The following SETBP1 variants were observed in gnomAD, a reference collection of about 807,000 sequenced individuals.
The protein encoded by SETBP1 is SET-binding protein.
Under a neutral mutation model 101.0 loss-of-function variants are expected in SETBP1, and 9 were observed. The observed-to-expected ratio is 0.09, with a 90% CI of 0.05 to 0.16. SETBP1 has a LOEUF of 0.16. Ranked by LOEUF, SETBP1 falls within the 10% of genes least tolerant of loss-of-function variation. SETBP1 has a pLI of 1.00. For synonymous variants in SETBP1, 818 were observed against 788.5 expected (o/e 1.04, Z -0.63); for missense variants, 1,858 against 2,033.8 (o/e 0.91, Z 1.66).
At chr18:45,024,419 A>G (rs535392528) in intron 4 of SETBP1, among the ~76,000 whole-genome samples, 8 of 152,286 alleles carry the variant, frequency 5.3e-5, no homozygotes, top group East Asian at 1.9e-4. Flanking sequence ...CCTCCATAGC[A>G]GTCTGTGAAT....
intron 2 of SETBP1, among the ~76,000 whole-genome samples, chr18:44,859,073 T>C (rs1351150843): frequency 2.8e-5 from 4 of 142,848 alleles, no homozygotes; most frequent in Non-Finnish European, 6.1e-5. Flanking sequence ...GAAGGAAGGA[T>C]TGGGGGAAGG....
chr18:44,850,640 G>A (rs2072835404), intron 2 of SETBP1, among the ~76,000 whole-genome samples: 1 of 152,062 alleles, frequency 6.6e-6, no homozygotes, highest in African/African-American at 2.4e-5. Flanking sequence ...CAAAGTGCTG[G>A]AATTATAGGT....
At position 45,028,399 on chromosome 18, in the gene SETBP1, C is replaced by T. The variant is rs548272144; in HGVS notation, c.4001-10086C>T. On this transcript the variant is annotated intron_variant, in intron 4 of 5. Coordinates refer to ENST00000649279, the MANE Select transcript of SETBP1 (RefSeq NM_015559.3). ...TGTATATGTGCCACATTTTCTTAATCCAGTCTATCATTGTTGGACATTTGG... is the reference window on the plus strand; with the variant it reads ...TGTATATGTGCCACATTTTCTTAATTCAGTCTATCATTGTTGGACATTTGG... 3.4e-3 allele frequency among the ~76,000 whole-genome samples: 518 copies of T among 152,036 alleles called. 4 individuals are homozygous for T. Among genetic ancestry groups the T allele is most frequent in the African/African-American group, 0.012 (499 of 41,424 alleles).
intron 2 of SETBP1, among the ~76,000 whole-genome samples, chr18:44,769,743 G>A (rs1177052563): frequency 6.6e-6 from 1 of 152,212 alleles, no homozygotes; most frequent in Non-Finnish European, 1.5e-5. Flanking sequence ...CTATATAGAA[G>A]TTCATGAAGT....
chr18:44,913,232 C>T (rs982721704), intron 3 of SETBP1, among the ~76,000 whole-genome samples: 1 of 152,160 alleles, frequency 6.6e-6, no homozygotes, highest in African/African-American at 2.4e-5. Context: ...GAACAAGTCT[C>T]GGGCAAGACA....
chr18:45,019,852 G>A (rs544777679), intron 4 of SETBP1, among the ~76,000 whole-genome samples: 12 of 152,034 alleles, frequency 7.9e-5, no homozygotes, highest in East Asian at 1.9e-4. Context: ...TCTCTCTGCC[G>A]GTTTTTGGAG....
At chr18:44,915,201 T>G (rs2070398810) in intron 3 of SETBP1, among the ~76,000 whole-genome samples, 1 of 152,204 alleles carries the variant, frequency 6.6e-6, no homozygotes, top group Admixed American at 6.5e-5. Context: ...GCATTTCCCC[T>G]CACTTCATTA....
intron 2 of SETBP1, among the ~76,000 whole-genome samples, chr18:44,809,507 G>C (rs2071814495): frequency 6.6e-6 from 1 of 152,140 alleles, no homozygotes; most frequent in Non-Finnish European, 1.5e-5. Flanking sequence ...GAACTGTGAG[G>C]GGAAGGGATA....
At chr18:44,819,785 T>A (rs1043172182) in intron 2 of SETBP1, among the ~76,000 whole-genome samples, 2 of 152,142 alleles carry the variant, frequency 1.3e-5, no homozygotes, top group African/African-American at 4.8e-5. Flanking sequence ...CAGGCAACAA[T>A]TGGACCCTAA....
intron 2 of SETBP1, among the ~76,000 whole-genome samples, chr18:44,780,404 G>A (rs1432752006): frequency 6.6e-6 from 1 of 152,082 alleles, no homozygotes; most frequent in Non-Finnish European, 1.5e-5. Context: ...GATTTTAATG[G>A]ACCTTAGCCA....
intron 2 of SETBP1, among the ~76,000 whole-genome samples, chr18:44,784,242 G>GGATGGA (rs2071193116): frequency 1.3e-5 from 2 of 152,180 alleles, no homozygotes; most frequent in Admixed American, 1.3e-4. Context: ...TTTGTGGACT[G>GGATGGA]CTTTACATTA....
intron 3 of SETBP1, among the ~76,000 whole-genome samples, chr18:44,911,596 C>T (rs2070310594): frequency 6.6e-6 from 1 of 152,218 alleles, no homozygotes; most frequent in African/African-American, 2.4e-5. Context: ...GATGGCCACC[C>T]TCTGGGTGTC....
chr18:44,734,497 C>T (rs1399124042), intron 2 of SETBP1, among the ~76,000 whole-genome samples: 1 of 152,212 alleles, frequency 6.6e-6, no homozygotes, highest in African/African-American at 2.4e-5. Flanking sequence ...CTTCCCATTT[C>T]ACCTGAAATG....
intron 4 of SETBP1, among the ~76,000 whole-genome samples, chr18:44,973,941 C>T (rs1437209360): frequency 1.3e-5 from 2 of 152,130 alleles, no homozygotes; most frequent in Non-Finnish European, 2.9e-5. Context: ...CAGGGCTTGT[C>T]AGACTGTAGT....
intron 2 of SETBP1, among the ~76,000 whole-genome samples, chr18:44,785,551 C>A (rs1038744335): frequency 7.2e-5 from 11 of 152,122 alleles, no homozygotes; most frequent in Non-Finnish European, 1.6e-4. Context: ...TCTCTGGATA[C>A]AAATGTCTGA....
intron 2 of SETBP1, among the ~76,000 whole-genome samples, chr18:44,782,541 T>A (rs1022368035): frequency 2.6e-5 from 4 of 152,170 alleles, no homozygotes; most frequent in African/African-American, 9.7e-5. Context: ...GTTTCCTGGC[T>A]GTATGGAAAT....
intron 3 of SETBP1, among the ~76,000 whole-genome samples, chr18:44,886,740 G>T (rs1308687724): frequency 7.0e-6 from 1 of 143,604 alleles, no homozygotes; most frequent in Non-Finnish European, 1.5e-5. Flanking sequence ...TTGAAAGATT[G>T]GTGGACTGTA....
intron 2 of SETBP1, among the ~76,000 whole-genome samples, chr18:44,755,446 C>T (rs1434995774): frequency 6.6e-6 from 1 of 152,010 alleles, no homozygotes; most frequent in Non-Finnish European, 1.5e-5. Context: ...AGATACTCAG[C>T]TCCCTCTTGT....
At chr18:44,904,998 A>G (rs1056167097) in intron 3 of SETBP1, among the ~76,000 whole-genome samples, 3 of 152,214 alleles carry the variant, frequency 2.0e-5, no homozygotes, top group Non-Finnish European at 2.9e-5. Context: ...TGGATTTTTC[A>G]TGAAGGGCTA....
Sources: gnomAD v4.1 joint callset for allele counts (sites outside exome capture counted in the v4.1 genomes callset) on GRCh38, gnomAD v4.1.1 for gene constraint, MANE v1.5 for transcripts, NCBI Gene and HGNC (gene_info 2026-07-23, HGNC 2026-07-21) for gene names.